EZH1: variants seen among roughly 807,000 people sequenced by gnomAD.
EZH1 encodes the protein histone-lysine N-methyltransferase EZH1.
In EZH1, 33 loss-of-function variants were observed where a neutral mutation model predicts 100.5. That is an observed-to-expected ratio of 0.33 (90% CI 0.25 to 0.44). The LOEUF is 0.44. Ranked by LOEUF, EZH1 falls within the 20% of genes least tolerant of loss-of-function variation. The pLI, the probability that EZH1 is intolerant of heterozygous loss-of-function variation, is 1.00. For synonymous variants in EZH1, 272 were observed against 313.8 expected (o/e 0.87, Z 1.41); for missense variants, 475 against 928.4 (o/e 0.51, Z 6.35).
intron 2 of EZH1, among the ~76,000 whole-genome samples, chr17:42,730,560 G>A (rs368236262): frequency 0.016 from 2,144 of 132,152 alleles, 67 homozygotes; most frequent in South Asian, 0.1. Context: ...GCAGTGGCGC[G>A]ATCTCGGCTC....
At chr17:42,728,614 C>T (rs1317843248) in intron 3 of EZH1, among the ~76,000 whole-genome samples, 7 of 151,206 alleles carry the variant, frequency 4.6e-5, no homozygotes, top group African/African-American at 9.7e-5. Context: ...TGGTGGCAGG[C>T]GCCTGTAGTC....
intron 15 of EZH1, among the ~76,000 whole-genome samples, chr17:42,707,488 G>A (rs1465867769): frequency 2.0e-5 from 3 of 152,174 alleles, no homozygotes; most frequent in Admixed American, 2.0e-4. Context: ...CTTGAGTCCT[G>A]ACCTTAAGTG....
chr17:42,723,257 C>T (rs2053751130), intron 5 of EZH1, among the ~76,000 whole-genome samples: 1 of 152,102 alleles, frequency 6.6e-6, no homozygotes, highest in Admixed American at 6.6e-5. Context: ...TGCCTGTAGT[C>T]CCAGCTACTA....
chr17:42,704,788 T>A (rs1192879593), intron 17 of EZH1, 105 bp from the exon 18 acceptor site: 1 of 821,006 alleles, frequency 1.2e-6, no homozygotes, highest in African/African-American at 1.7e-5. Context: ...GGGTGCTTAC[T>A]GAGCATCATG....
At chr17:42,715,163 T>C (rs1472560703) in intron 10 of EZH1, among the ~76,000 whole-genome samples, 2 of 140,426 alleles carry the variant, frequency 1.4e-5, no homozygotes, top group African/African-American at 2.6e-5. Flanking sequence ...ATAGATTATA[T>C]GTATTTATAT....
At position 42,735,650 on chromosome 17, in the gene EZH1, T is replaced by C. The variant is rs904839671; in HGVS notation, c.-102-4732A>G. ...ATCAAGAAATTAAAAAATATTTATA[T>C]AAGCAAGTCCTATAGCTCAATAATA... is the stretch of plus-strand genomic sequence containing the variant. On this transcript the variant is annotated intron_variant, in intron 1 of 20. Coordinates refer to ENST00000428826, the MANE Select transcript of EZH1 (RefSeq NM_001991.5). Among the ~76,000 whole-genome samples the C allele has an allele frequency of 5.9e-5, 9 of 152,242 alleles. No homozygotes were observed. The South Asian group carries it at 1.0e-3, about 18-fold the overall frequency.
intron 1 of EZH1, among the ~76,000 whole-genome samples, chr17:42,732,393 G>T (rs148956585): frequency 6.8e-4 from 103 of 152,304 alleles, no homozygotes; most frequent in Non-Finnish European, 1.2e-3. Flanking sequence ...AGCACTTTGG[G>T]AGGCCAAGCT....
At position 42,713,240 on chromosome 17, in the gene EZH1, G is replaced by A; in HGVS notation, c.1173C>T (p.Asp391=). 6.2e-7 allele frequency: 1 copy of A among 1,613,824 alleles called. No individual in the cohort carries two copies. Among genetic ancestry groups the A allele is most frequent in the Non-Finnish European group, 8.5e-7 (1 of 1,179,900 alleles). The part of the protein sequence containing the change: ...AETKEGDSDR[D]TGNDWASSSS... ...AACTGGAGGCCCAGTCATTGCCTGTGTCCCTGTCACTGTCTCCTTCTTTAG... is the reference window on the plus strand; with the variant it reads ...AACTGGAGGCCCAGTCATTGCCTGTATCCCTGTCACTGTCTCCTTCTTTAG... Residue 391 remains aspartate (D), a synonymous_variant, in exon 11 of 21, where the codon GAC becomes GAT. Coordinates refer to ENST00000428826, the MANE Select transcript of EZH1 (RefSeq NM_001991.5).
intron 11 of EZH1, 60 bp downstream of exon 11, chr17:42,713,149 C>G: frequency 6.5e-7 from 1 of 1,535,804 alleles, no homozygotes; most frequent in Non-Finnish European, 8.9e-7. Context: ...AGGCAGTGAT[C>G]CTGGGTTTAC....
At chr17:42,708,755 G>C in intron 14 of EZH1, 121 bp downstream of exon 14, 1 of 1,054,120 alleles carries the variant, frequency 9.5e-7, no homozygotes, top group Non-Finnish European at 1.5e-6. Flanking sequence ...TTGCTGCAGA[G>C]AATTCTGCAA....
chr17:42,712,198 C>G (rs764216373), intron 12 of EZH1, 91 bp downstream of exon 12: 26 of 1,380,402 alleles, frequency 1.9e-5, no homozygotes, highest in East Asian at 9.2e-5. Flanking sequence ...CTCTCCAGAC[C>G]CAGACACACA....
At chr17:42,721,305 C>G (rs1485006685) in intron 6 of EZH1, among the ~76,000 whole-genome samples, 1 of 152,204 alleles carries the variant, frequency 6.6e-6, no homozygotes, top group Non-Finnish European at 1.5e-5. Context: ...GAGAGCCTCT[C>G]CTCTTTCCAT....
intron 2 of EZH1, 60 bp from the exon 3 acceptor site, chr17:42,729,012 ATAC>A: frequency 7.0e-7 from 1 of 1,435,062 alleles, no homozygotes; most frequent in South Asian, 1.4e-5. Context: ...CATTCCTCAA[ATAC>A]AAAAAAAAAA....
At position 42,727,679 on chromosome 17, in the gene EZH1, C is replaced by T. The variant is rs199830078; in HGVS notation, c.202G>A (p.Val68Ile). Residue 68 changes from valine (V) to isoleucine (I), a missense_variant, in exon 4 of 21, where the codon GTT becomes ATT. Transcript: ENST00000428826. ...EEWKKLRVQP[V>I]QSMKPVSGHP... ...CCACTCACAGGCTTCATTGACTGAA[C>T]AGGTTGGACACGAAGCTTCTTCCAT... 5 of 1,610,600 alleles carry T rather than the reference C, an allele frequency of 3.1e-6. No individual in the cohort carries two copies. The Admixed American group carries it at 5.1e-5, about 16-fold the overall frequency.
rs1375192668 is a variant in EZH1, at chr17:42,718,265, CTAGT to C, written c.931+185_931+188del. 1.2e-5 allele frequency: 10 copies of C among 847,052 alleles called. No homozygotes were observed. The East Asian group carries it at 1.3e-4, about 11-fold the overall frequency. The allele number at this position is 847,052 out of a possible 1,614,324, so 52.5% of individuals were successfully genotyped here. On this transcript the variant is annotated intron_variant, in intron 9 of 20. Coordinates refer to ENST00000428826, the MANE Select transcript of EZH1 (RefSeq NM_001991.5). This position sits in a 1 kb window ranked among gnomAD's most constrained non-coding sequence, Gnocchi z 4.2. Reference sequence around the variant, plus strand: ...GAGGTACTGAGGGACAGATAAGTTGCTAGTTAGTCTGTCCCTATCATGCAAAGCA... The same window carrying C: ...GAGGTACTGAGGGACAGATAAGTTGCTAGTCTGTCCCTATCATGCAAAGCA...
At chr17:42,736,103 A>G (rs2054060210) in intron 1 of EZH1, among the ~76,000 whole-genome samples, 1 of 152,242 alleles carries the variant, frequency 6.6e-6, no homozygotes, top group South Asian at 2.1e-4. Context: ...GATGAAAAAT[A>G]CAATGAGATA....
rs150904713 is a variant in EZH1, at chr17:42,736,425, G to A, written c.-102-5507C>T. ...AAACAACACACATATCAATGGATTG[G>A]CTAATGGATACAAAATGTAGTGTGT... On this transcript the variant is annotated intron_variant, in intron 1 of 20. Transcript: ENST00000428826. Among the ~76,000 whole-genome samples the A allele has an allele frequency of 2.9e-4, 44 of 152,270 alleles. 1 individual carries two copies. In the East Asian group the frequency reaches 8.3e-3, roughly 29 times the overall value.
chr17:42,742,091 G>A (rs1392959959), intron 1 of EZH1, among the ~76,000 whole-genome samples: 1 of 151,554 alleles, frequency 6.6e-6, no homozygotes, highest in African/African-American at 2.4e-5. Flanking sequence ...GTCTTCTTGG[G>A]AGTAAAATTT....
chr17:42,712,227 G>C (rs548709685), intron 12 of EZH1, 62 bp downstream of exon 12: 1 of 1,546,416 alleles, frequency 6.5e-7, no homozygotes, highest in East Asian at 2.2e-5. Context: ...AGATGGCAAA[G>C]GGCTGGACAG....
Sources: allele counts gnomAD v4.1 joint callset (sites outside exome capture counted in the v4.1 genomes callset), GRCh38; gene constraint gnomAD v4.1.1; non-coding constraint Gnocchi (gnomAD v3.1); transcripts MANE v1.5; gene names NCBI Gene and HGNC (gene_info 2026-07-23, HGNC 2026-07-21).